FGF14: variants seen among roughly 807,000 people sequenced by gnomAD.
FGF14 encodes fibroblast growth factor 14, also known as fibroblast growth factor homologous factor 4.
In FGF14, 5 loss-of-function variants were observed where a neutral mutation model predicts 25.5. The ratio of observed to expected loss-of-function variants is 0.20; its 90% CI spans 0.10 to 0.41. The LOEUF (loss-of-function observed/expected upper bound fraction) is 0.41, where lower values mean the gene tolerates loss of function less well. FGF14 is among the 10% of genes least tolerant of loss of function. The pLI is 1.00. For missense variants in FGF14, 222 were observed against 320.1 expected, an observed-to-expected ratio of 0.69 and a Z score of 2.34; for synonymous variants, 138 against 118.3, an observed-to-expected ratio of 1.17 and a Z score of -1.08.
chr13:102,399,851 C>T (rs1251435150), intron 1 of FGF14, among the ~76,000 whole-genome samples: 1 of 152,052 alleles, frequency 6.6e-6, no homozygotes, highest in Non-Finnish European at 1.5e-5. Flanking sequence ...GAGCCCACTG[C>T]AGCACCGAGT....
chr13:102,157,505 A>T (rs1364218019), intron 1 of FGF14, among the ~76,000 whole-genome samples: 1 of 152,250 alleles, frequency 6.6e-6, no homozygotes, highest in African/African-American at 2.4e-5. Flanking sequence ...ACAAAAATTA[A>T]TTCAAGATGT....
intron 1 of FGF14, among the ~76,000 whole-genome samples, chr13:102,217,061 G>C (rs1038774972): frequency 6.6e-6 from 1 of 152,082 alleles, no homozygotes; most frequent in African/African-American, 2.4e-5. Context: ...TCCACTGATG[G>C]ACACAGGTTG....
chr13:102,280,815 A>G (rs1284650612), intron 1 of FGF14, among the ~76,000 whole-genome samples: 1 of 152,216 alleles, frequency 6.6e-6, no homozygotes, highest in Non-Finnish European at 1.5e-5. Flanking sequence ...TAGAGTGAAC[A>G]TGAGAACAGG....
intron 1 of FGF14, among the ~76,000 whole-genome samples, chr13:102,382,708 T>C (rs1362130076): frequency 1.3e-5 from 2 of 151,988 alleles, no homozygotes; most frequent in African/African-American, 2.4e-5. Flanking sequence ...AGTAAAATAA[T>C]GAAAACAACC....
chr13:102,273,912 C>A (rs2053375772), intron 1 of FGF14, among the ~76,000 whole-genome samples: 1 of 137,694 alleles, frequency 7.3e-6, no homozygotes, highest in Non-Finnish European at 1.5e-5. Context: ...CTACTCCAAC[C>A]TGGGAGACAG....
intron 1 of FGF14, among the ~76,000 whole-genome samples, chr13:101,934,808 G>A (rs1440215355): frequency 6.6e-6 from 1 of 152,180 alleles, no homozygotes; most frequent in African/African-American, 2.4e-5. Context: ...ATGTTCTACT[G>A]CTGCAGACTG....
chr13:101,818,614 C>T (rs529877537), intron 3 of FGF14, among the ~76,000 whole-genome samples: 4 of 152,220 alleles, frequency 2.6e-5, no homozygotes, highest in East Asian at 1.9e-4. Flanking sequence ...TTGGATGGTT[C>T]GGAGAACTCT....
At chr13:101,726,463 G>A in intron 4 of FGF14, 149 bp downstream of exon 4, 1 of 720,178 alleles carries the variant, frequency 1.4e-6, no homozygotes, top group Non-Finnish European at 2.3e-6. Context: ...AATAACTTAA[G>A]TAGGCACCTG....
At chr13:102,281,714 C>A (rs1191884099) in intron 1 of FGF14, among the ~76,000 whole-genome samples, 3 of 139,136 alleles carry the variant, frequency 2.2e-5, no homozygotes, top group African/African-American at 8.0e-5. Context: ...TTTTTAAGTT[C>A]AGAGGTACAA....
At chr13:102,307,554 A>G (rs753225983) in intron 1 of FGF14, among the ~76,000 whole-genome samples, 1 of 152,202 alleles carries the variant, frequency 6.6e-6, no homozygotes, top group Non-Finnish European at 1.5e-5. Context: ...AACTTTTAAG[A>G]CTAATAAGTG....
chr13:101,902,355 A>T (rs2031676212), intron 1 of FGF14, among the ~76,000 whole-genome samples: 2 of 152,216 alleles, frequency 1.3e-5, no homozygotes, highest in South Asian at 4.1e-4. Context: ...CAGTGTCCAG[A>T]GGTATTTAAA....
intron 1 of FGF14, among the ~76,000 whole-genome samples, chr13:102,177,023 T>TA: frequency 6.6e-6 from 1 of 152,114 alleles, no homozygotes; most frequent in Non-Finnish European, 1.5e-5. Flanking sequence ...TACTACTTCA[T>TA]AAAAACATCA....
rs1225258670 is a variant in FGF14 at position 102,149,495 on chromosome 13, T to C, written c.208+251976A>G. Among the ~76,000 whole-genome samples, 2 of 152,194 alleles carry C rather than the reference T, an allele frequency of 1.3e-5. 1 individual carries two copies. Among genetic ancestry groups the C allele is most frequent in the East Asian group, 3.9e-4 (2 of 5,194 alleles). On this transcript the variant is annotated intron_variant, in intron 1 of 4. Coordinates refer to the FGF14 transcript ENST00000376131. Reference sequence around the variant, plus strand: ...CACTCATGCAAGGACACACGACATCTTAGAGCCCATCTCCGACCTGATATA... The same window carrying C: ...CACTCATGCAAGGACACACGACATCCTAGAGCCCATCTCCGACCTGATATA...
chr13:102,151,496 C>G (rs907162369), intron 1 of FGF14, among the ~76,000 whole-genome samples: 6 of 151,992 alleles, frequency 3.9e-5, no homozygotes, highest in Non-Finnish European at 5.9e-5. Flanking sequence ...CCTTCAGTTC[C>G]TTTTTGTTTG....
chr13:102,087,510 C>G (rs1051569400), intron 1 of FGF14, among the ~76,000 whole-genome samples: 1 of 137,882 alleles, frequency 7.3e-6, no homozygotes, highest in Non-Finnish European at 1.5e-5. Flanking sequence ...CTCTCTGGTT[C>G]CCGTCATTCT....
chr13:102,210,681 G>T lies in FGF14; in HGVS notation c.208+190790C>A, dbSNP rs371019894. On this transcript the variant is annotated intron_variant, in intron 1 of 4. Transcript: ENST00000376131. ...AACTATTGCCTATCCAGAACCTTAGGACTACCAACAGAAACATGTTTAATT... is the reference window on the plus strand; with the variant it reads ...AACTATTGCCTATCCAGAACCTTAGTACTACCAACAGAAACATGTTTAATT... 1.1e-4 allele frequency among the ~76,000 whole-genome samples: 16 copies of T among 152,130 alleles called. No individual in the cohort carries two copies. In the East Asian group the frequency reaches 1.9e-3, roughly 18 times the overall value.
At chr13:102,375,213 C>G (rs1051805079) in intron 1 of FGF14, among the ~76,000 whole-genome samples, 1 of 152,116 alleles carries the variant, frequency 6.6e-6, no homozygotes, top group Non-Finnish European at 1.5e-5. Context: ...GCCACAGTTA[C>G]ACCCCACAAA....
chr13:102,287,168 G>GA (rs2054146102), intron 1 of FGF14, among the ~76,000 whole-genome samples: 2 of 152,020 alleles, frequency 1.3e-5, no homozygotes, highest in Non-Finnish European at 2.9e-5. Flanking sequence ...GTATTTCAGA[G>GA]AAAAAAATAG....
intron 1 of FGF14, among the ~76,000 whole-genome samples, chr13:102,351,560 C>T (rs948241339): frequency 6.6e-6 from 1 of 152,200 alleles, no homozygotes; most frequent in African/African-American, 2.4e-5. Context: ...TGCTGTGGGT[C>T]AGAAATGCAG....
Sources: gnomAD v4.1 joint callset for allele counts (sites outside exome capture counted in the v4.1 genomes callset) on GRCh38, gnomAD v4.1.1 for gene constraint, MANE v1.5 for transcripts, NCBI Gene and HGNC (gene_info 2026-07-23, HGNC 2026-07-21) for gene names.